Variants in WDFY3 observed in about 807,000 individuals in gnomAD.
WDFY3 encodes WD repeat and FYVE domain-containing protein 3.
WDFY3 carries 66 observed loss-of-function variants against 409.6 expected under a neutral mutation model. The observed-to-expected ratio is 0.16, with a 90% CI of 0.13 to 0.20. The LOEUF is 0.20. Among genes scored for constraint, WDFY3 ranks in the 10% least tolerant of loss-of-function variants. WDFY3 has a pLI of 1.00. For synonymous variants in WDFY3, 1,521 were observed against 1,537.1 expected, an observed-to-expected ratio of 0.99 and a Z score of 0.25; for missense variants, 3,031 against 4,298.1, an observed-to-expected ratio of 0.71 and a Z score of 8.24.
intron 47 of WDFY3, among the ~76,000 whole-genome samples, chr4:84,720,456 C>T (rs1217316093): frequency 6.6e-6 from 1 of 152,012 alleles, no homozygotes; most frequent in Non-Finnish European, 1.5e-5. Context: ...CATATGTGTC[C>T]CCTCCACATC....
intron 7 of WDFY3, among the ~76,000 whole-genome samples, chr4:84,832,219 A>C (rs1351910759): frequency 6.6e-6 from 1 of 152,192 alleles, no homozygotes; most frequent in Non-Finnish European, 1.5e-5. Context: ...CATTATGTTA[A>C]GGAAAATAAT....
rs554133142 is a variant in WDFY3, at chr4:84,916,905, A to T, written c.-132+15365T>A. ...CTATAAGCTCTTTTTAGACTCAATG[A>T]TAAAAGATGTTTGCTGGCTCTCCTC... On this transcript the variant is annotated intron_variant, in intron 2 of 67. Coordinates refer to ENST00000295888, the MANE Select transcript of WDFY3 (RefSeq NM_014991.6). 2.0e-5 allele frequency among the ~76,000 whole-genome samples: 3 copies of T among 152,302 alleles called. No individual in the cohort carries two copies. In the East Asian group the frequency reaches 5.8e-4, roughly 29 times the overall value.
chr4:84,947,592 G>A (rs1187983419), intron 1 of WDFY3, among the ~76,000 whole-genome samples: 1 of 149,322 alleles, frequency 6.7e-6, no homozygotes, highest in Admixed American at 6.7e-5. Flanking sequence ...CTGCTAGGCT[G>A]GGCGCAGTGG....
intron 1 of WDFY3, among the ~76,000 whole-genome samples, chr4:84,944,107 C>T (rs1010837482): frequency 6.6e-6 from 1 of 152,156 alleles, no homozygotes; most frequent in Non-Finnish European, 1.5e-5. Flanking sequence ...ACCTGATTGT[C>T]AAATACATAT....
chr4:84,784,878 A>G (rs1426087791), intron 24 of WDFY3, among the ~76,000 whole-genome samples: 2 of 82,878 alleles, frequency 2.4e-5, no homozygotes, highest in South Asian at 4.4e-4. Context: ...ATATATATAT[A>G]TATATATATA....
intron 21 of WDFY3, among the ~76,000 whole-genome samples, chr4:84,791,870 C>T (rs975840813): frequency 1.4e-4 from 21 of 152,104 alleles, no homozygotes; most frequent in Non-Finnish European, 2.8e-4. Flanking sequence ...GTTACCAGAC[C>T]ATGCTAAGAA....
chr4:84,860,450 C>T lies in WDFY3; in HGVS notation c.142G>A (p.Glu48Lys). The change falls in exon 4 of 68, where the codon GAA (glutamate) becomes AAA (lysine). Residue 48 changes from glutamate to lysine, a missense_variant. By Grantham distance (56) the Glu-to-Lys change is moderately conservative (BLOSUM62 1). This residue lies in a region of WDFY3 where 1,322 missense variants were observed against 1,697.9 expected (regional missense o/e 0.78). Coordinates refer to ENST00000295888, the MANE Select transcript of WDFY3 (RefSeq NM_014991.6). ...GGCAGCATCATATACAGTTTCTCTT[C>T]TTGTTCCTTCTGAGTCATGTGCCGG... ...PPRHMTQKEQEEKLYMMLPVF... is the reference protein window; with the variant it reads ...PPRHMTQKEQKEKLYMMLPVF... The T allele has an allele frequency of 6.2e-7, 1 of 1,614,128 alleles. No homozygotes were observed. Among genetic ancestry groups the T allele is most frequent in the Non-Finnish European group, 8.5e-7 (1 of 1,179,996 alleles).
At chr4:84,796,239 CAA>C (rs947801397) in intron 19 of WDFY3, among the ~76,000 whole-genome samples, 9 of 113,446 alleles carry the variant, frequency 7.9e-5, no homozygotes, top group Admixed American at 1.8e-4. Context: ...ACTTCATTTA[CAA>C]AAAAAAAAAA....
At chr4:84,753,387 C>A (rs1034660833) in intron 35 of WDFY3, among the ~76,000 whole-genome samples, 1 of 152,092 alleles carries the variant, frequency 6.6e-6, no homozygotes, top group Admixed American at 6.6e-5. Context: ...TACAACTACA[C>A]AGCTGGCATC....
chr4:84,780,515 T>C (rs1746304219), intron 25 of WDFY3, among the ~76,000 whole-genome samples: 1 of 152,086 alleles, frequency 6.6e-6, no homozygotes, highest in Non-Finnish European at 1.5e-5. Flanking sequence ...TCCCAGCACT[T>C]TGGGAGGCCG....
rs1560818143 is a variant in WDFY3 at position 84,810,030 on chromosome 4, C to A, written c.2202G>T (p.Met734Ile). 1 of 1,614,192 alleles carries A rather than the reference C, an allele frequency of 6.2e-7. No homozygotes were observed. The highest frequency in any genetic ancestry group is 2.2e-5 in the East Asian group (1 of 44,890). The change falls in exon 14 of 68, where the codon ATG becomes ATT. Residue 734 changes from methionine to isoleucine, a missense_variant. Coordinates refer to ENST00000295888, the MANE Select transcript of WDFY3 (RefSeq NM_014991.6). Reference protein sequence around the residue: ...CFSDLRKISAMNVFPSNTQPF... With the variant: ...CFSDLRKISAINVFPSNTQPF... ...GCTGTGTATTTGAGGGGAAGACATT[C>A]ATGGCGCTTATTTTTCTTAGGTCTG...
chr4:84,937,100 C>T (rs1237610529), intron 1 of WDFY3, among the ~76,000 whole-genome samples: 1 of 152,124 alleles, frequency 6.6e-6, no homozygotes, highest in Non-Finnish European at 1.5e-5. Context: ...CAAGCTTGTA[C>T]TCCTTGTCTA....
intron 3 of WDFY3, among the ~76,000 whole-genome samples, chr4:84,886,893 G>A (rs951787657): frequency 6.6e-6 from 1 of 152,032 alleles, no homozygotes; most frequent in African/African-American, 2.4e-5. Context: ...TTAGTATTTT[G>A]GAGTCATCAC....
At chr4:84,898,752 G>A (rs142093908) in intron 2 of WDFY3, among the ~76,000 whole-genome samples, 10 of 152,080 alleles carry the variant, frequency 6.6e-5, no homozygotes, top group African/African-American at 1.4e-4. Context: ...TGTGGCAAAG[G>A]GAATCACAAC....
chr4:84,726,722 T>C (rs1735717042), intron 45 of WDFY3, 139 bp downstream of exon 45: 3 of 694,676 alleles, frequency 4.3e-6, no homozygotes, highest in African/African-American at 3.6e-5. Context: ...GGTTCAACTC[T>C]AAGGAACTTA....
Position 84,702,481 on chromosome 4 carries a change from C to T in WDFY3, c.8468G>A (p.Arg2823Gln). The T allele has an allele frequency of 1.2e-6, 2 of 1,610,782 alleles. No individual in the cohort carries two copies. Among genetic ancestry groups the T allele is most frequent in the Non-Finnish European group, 1.7e-6 (2 of 1,178,858 alleles). Residue 2823 changes from arginine (R) to glutamine (Q), a missense_variant, in exon 56 of 68, where the codon CGG becomes CAG. By Grantham distance (43) the Arg-to-Gln change is conservative (BLOSUM62 1). This residue lies in a region of WDFY3 where 129 missense variants were observed against 305.3 expected (regional missense o/e 0.42). Coordinates refer to ENST00000295888, the MANE Select transcript of WDFY3 (RefSeq NM_014991.6). ...LQGGHFDLAD[R>Q]MFHSVREAWY... is the part of the protein sequence containing the mutation. ...GGCCTCGCGCACACTGTGAAACATC[C>T]GGTCAGCCAGGTCAAAGTGGCCACC... is the stretch of plus-strand genomic sequence containing the variant.
intron 13 of WDFY3, among the ~76,000 whole-genome samples, chr4:84,810,759 C>A (rs1314433336): frequency 2.6e-5 from 4 of 152,128 alleles, no homozygotes; most frequent in Non-Finnish European, 4.4e-5. Flanking sequence ...CAGAGATGGT[C>A]AGAGCAGCCA....
intron 33 of WDFY3, among the ~76,000 whole-genome samples, chr4:84,755,974 T>C (rs1741366653): frequency 6.6e-6 from 1 of 152,164 alleles, no homozygotes; most frequent in South Asian, 2.1e-4. Flanking sequence ...GACTCAAGTG[T>C]TTACACTTAA....
At chr4:84,961,485 C>T (rs1453989500) in intron 1 of WDFY3, among the ~76,000 whole-genome samples, 2 of 151,846 alleles carry the variant, frequency 1.3e-5, no homozygotes, top group African/African-American at 4.8e-5. Flanking sequence ...TAAAATGGTT[C>T]ATTTTTTAAA....
Sources: gnomAD v4.1 joint callset for allele counts (sites outside exome capture counted in the v4.1 genomes callset) on GRCh38, gnomAD v4.1.1 for gene constraint, gnomAD v4.1.1 regional missense constraint, MANE v1.5 for transcripts, NCBI Gene and HGNC (gene_info 2026-07-23, HGNC 2026-07-21) for gene names.